Variants in FSIP1 observed in about 807,000 individuals in gnomAD.
FSIP1 encodes fibrous sheath-interacting protein 1.
FSIP1 carries 65 observed loss-of-function variants against 60.9 expected under a neutral mutation model. That is an observed-to-expected ratio of 1.07 (90% confidence interval 0.87 to 1.31). The LOEUF (loss-of-function observed/expected upper bound fraction) is 1.31, where lower values mean the gene tolerates loss of function less well. FSIP1 is among the 40% of genes most tolerant of loss of function. FSIP1 has a pLI of 0.00. For missense variants in FSIP1, 675 were observed against 665.5 expected (o/e 1.01, Z -0.16); for synonymous variants, 209 against 221.2 (o/e 0.94, Z 0.49).
chr15:39,621,746 A>G (rs572536173), intron 10 of FSIP1, among the ~76,000 whole-genome samples: 8 of 152,338 alleles, frequency 5.3e-5, no homozygotes, highest in African/African-American at 1.9e-4. Context: ...ACTCTTATAA[A>G]ATAACTAAAA....
At position 39,723,550 on chromosome 15, in the gene FSIP1, CA is replaced by C. The variant is rs201495115; in HGVS notation, c.1050+3038del. On this transcript the variant is annotated intron_variant, in intron 9 of 11. Transcript: ENST00000350221. Reference sequence around the variant, plus strand: ...AGCCTGAAGTGAGACTTTTTTATTCCAAAGTATTTTATTTGCCTGATTCATC... The same window carrying C: ...AGCCTGAAGTGAGACTTTTTTATTCCAAGTATTTTATTTGCCTGATTCATC... Among the ~76,000 whole-genome samples, 1,101 of 152,236 alleles carry C rather than the reference CA, an allele frequency of 7.2e-3. 8 individuals carry two copies. The highest frequency in any genetic ancestry group is 0.012 in the Non-Finnish European group (843 of 68,010).
chr15:39,731,759 G>A (rs4322636), intron 8 of FSIP1, among the ~76,000 whole-genome samples: 2,491 of 152,206 alleles, frequency 0.016, 57 homozygotes, highest in African/African-American at 0.055. Flanking sequence ...CAGGGTTCAG[G>A]TAGGTAACTA....
At chr15:39,615,177 CAG>C (rs1014517383) in intron 11 of FSIP1, among the ~76,000 whole-genome samples, 7 of 151,954 alleles carry the variant, frequency 4.6e-5, no homozygotes, top group African/African-American at 7.2e-5. Flanking sequence ...TAGAATAAAA[CAG>C]GGGAAATGCT....
At chr15:39,641,954 T>C (rs187580862) in intron 10 of FSIP1, among the ~76,000 whole-genome samples, 126 of 152,330 alleles carry the variant, frequency 8.3e-4, no homozygotes, top group African/African-American at 2.9e-3. Context: ...TAGTGTATTA[T>C]AGAAATGCAA....
intron 10 of FSIP1, among the ~76,000 whole-genome samples, chr15:39,640,889 A>G (rs186092911): frequency 5.3e-5 from 8 of 152,370 alleles, no homozygotes; most frequent in Admixed American, 4.6e-4. Flanking sequence ...GGATTGGCCA[A>G]GACTTGGCTA....
At chr15:39,740,352 G>C (rs1163830435) in intron 6 of FSIP1, among the ~76,000 whole-genome samples, 1 of 152,178 alleles carries the variant, frequency 6.6e-6, no homozygotes, top group African/African-American at 2.4e-5. Flanking sequence ...CCTTTTGGAA[G>C]AGGCTTGAGT....
intron 1 of FSIP1, among the ~76,000 whole-genome samples, chr15:39,780,903 C>T (rs1216321193): frequency 1.3e-5 from 2 of 152,064 alleles, no homozygotes; most frequent in South Asian, 2.1e-4. Context: ...TATAAAATTT[C>T]TAAAAAATAC....
At chr15:39,600,955 T>C (rs761739768) in intron 11 of FSIP1, 29 bp from the exon 12 acceptor site, 7 of 1,570,786 alleles carry the variant, frequency 4.5e-6, no homozygotes, top group Non-Finnish European at 6.1e-6. Context: ...ACCACAGTTA[T>C]TAGAGATTCA....
chr15:39,728,736 T>C (rs548592501), intron 8 of FSIP1, among the ~76,000 whole-genome samples: 1 of 152,220 alleles, frequency 6.6e-6, no homozygotes, highest in South Asian at 2.1e-4. Context: ...CCAAAAGCAA[T>C]CGCAACAAAA....
At chr15:39,768,201 G>A (rs80203337) in intron 3 of FSIP1, among the ~76,000 whole-genome samples, 7,671 of 152,266 alleles carry the variant, frequency 0.05, 281 homozygotes, top group Non-Finnish European at 0.08. Context: ...CTTCAAGGGC[G>A]ATAAGGGAAA....
At chr15:39,762,681 C>G (rs1401713223) in intron 5 of FSIP1, among the ~76,000 whole-genome samples, 2 of 152,126 alleles carry the variant, frequency 1.3e-5, no homozygotes, top group Non-Finnish European at 2.9e-5. Flanking sequence ...AGTGAGCATT[C>G]TAAGGGAAGC....
chr15:39,765,538 C>T, intron 4 of FSIP1, 54 bp downstream of exon 4: 1 of 1,388,864 alleles, frequency 7.2e-7, no homozygotes, highest in Non-Finnish European at 9.7e-7. Context: ...GCCACCATGC[C>T]CAGCCAGGAG....
At chr15:39,614,730 C>A (rs1050065928) in intron 11 of FSIP1, among the ~76,000 whole-genome samples, 1 of 151,722 alleles carries the variant, frequency 6.6e-6, no homozygotes, top group Non-Finnish European at 1.5e-5. Context: ...CCAAAGTCAT[C>A]TATAGATTTA....
intron 2 of FSIP1, among the ~76,000 whole-genome samples, chr15:39,775,686 A>T (rs1408813727): frequency 1.3e-5 from 2 of 152,028 alleles, no homozygotes; most frequent in Non-Finnish European, 2.9e-5. Context: ...GGTTGTTTGA[A>T]AGTGTGTAGC....
chr15:39,679,926 C>T (rs79397789), intron 10 of FSIP1, among the ~76,000 whole-genome samples: 4,906 of 152,174 alleles, frequency 0.032, 257 homozygotes, highest in African/African-American at 0.11. Flanking sequence ...CTTTTTCAGG[C>T]CTGAAACTTA....
Position 39,761,238 on chromosome 15 carries a change from T to G in FSIP1, c.559+2583A>C, listed in dbSNP as rs150656119. Among the ~76,000 whole-genome samples the G allele has an allele frequency of 4.6e-4, 70 of 152,256 alleles. 2 individuals are homozygous for G. In the East Asian group the frequency reaches 0.011, roughly 25 times the overall value. ...ACCTCTGGGCATTTACCCAAAAGCT[T>G]TGGAATTCGTTTGTCAACGAGATGT... On this transcript the variant is annotated intron_variant, in intron 5 of 11. Coordinates refer to ENST00000350221, the MANE Select transcript of FSIP1 (RefSeq NM_152597.5).
At chr15:39,607,429 G>A (rs1196518622) in intron 11 of FSIP1, among the ~76,000 whole-genome samples, 3 of 152,152 alleles carry the variant, frequency 2.0e-5, no homozygotes, top group African/African-American at 2.4e-5. Context: ...TCTCTCAGTC[G>A]GTTCTGACCT....
intron 10 of FSIP1, among the ~76,000 whole-genome samples, chr15:39,707,296 C>T (rs8040050): frequency 0.017 from 2,637 of 152,170 alleles, 74 homozygotes; most frequent in African/African-American, 0.057. Context: ...TTGCTTTTTT[C>T]TCATCTTCAC....
chr15:39,781,613 C>T (rs1216928713), intron 1 of FSIP1, among the ~76,000 whole-genome samples: 1 of 152,174 alleles, frequency 6.6e-6, no homozygotes, highest in Non-Finnish European at 1.5e-5. Context: ...TACCGTAGAT[C>T]CATACAATGG....
Sources: allele counts gnomAD v4.1 joint callset (sites outside exome capture counted in the v4.1 genomes callset), GRCh38; gene constraint gnomAD v4.1.1; transcripts MANE v1.5; gene names NCBI Gene and HGNC (gene_info 2026-07-23, HGNC 2026-07-21).